The following PABIR3 variants were observed in gnomAD, a reference collection of about 807,000 sequenced individuals.
The protein encoded by PABIR3 is PABIR family member 1.
In PABIR3, 20 loss-of-function variants were observed where a neutral mutation model predicts 23.1. The observed-to-expected ratio is 0.86, with a 90% CI of 0.61 to 1.26. PABIR3 has a LOEUF of 1.26. PABIR3 is among the 50% of genes most tolerant of loss of function. The pLI is 0.00. For missense variants in PABIR3, 189 were observed against 195.4 expected (o/e 0.97, Z 0.20); for synonymous variants, 69 against 68.5 (o/e 1.01, Z -0.04).
At chrX:134,807,370 C>G in intron 1 of PABIR3, 29 bp downstream of exon 1, 1 of 968,565 alleles carries the variant, frequency 1.0e-6, no homozygotes, top group Non-Finnish European at 1.3e-6. Flanking sequence ...GTTAGAGGCC[C>G]CGATCATGGG....
At chrX:134,852,660 AATG>A in intron 9 of PABIR3, 137 bp from the exon 10 acceptor site, 1 of 363,364 alleles carries the variant, frequency 2.8e-6, no homozygotes, top group Non-Finnish European at 4.6e-6. Flanking sequence ...ATGTCTGGAT[AATG>A]ATTACTTAAA....
chrX:134,805,346 G>A (rs2080186338), upstream of PABIR3, among the ~76,000 whole-genome samples: 1 of 111,823 alleles, frequency 8.9e-6, no homozygotes, highest in Non-Finnish European at 1.9e-5. Flanking sequence ...CCCAACAAAC[G>A]GTAGCTATTA....
At chrX:134,808,864 T>G (rs968308131) in intron 2 of PABIR3, among the ~76,000 whole-genome samples, 11 of 111,843 alleles carry the variant, frequency 9.8e-5, no homozygotes, top group African/African-American at 3.6e-4. Flanking sequence ...CACAGAAGCT[T>G]GATCTCCTAA....
chrX:134,849,427 T>C (rs1028338655), intron 9 of PABIR3, among the ~76,000 whole-genome samples, 199 bp downstream of exon 9: 2 of 112,209 alleles, frequency 1.8e-5, no homozygotes, highest in Non-Finnish European at 3.8e-5. Context: ...GCTATATAAA[T>C]GTGAATTGAG....
Position 134,850,140 on chromosome X carries a change from G to A in PABIR3, c.589+912G>A, listed in dbSNP as rs1476023987. Among the ~76,000 whole-genome samples, 5 of 109,442 alleles carry A rather than the reference G, an allele frequency of 4.6e-5. No individual in the cohort carries two copies. The Admixed American group carries it at 5.0e-4, about 11-fold the overall frequency. ...TCCACCCACCTCGGCCTCCCAAAGT[G>A]CTGAGATTGCAAGCATAAGCCTGTA... On this transcript the variant is annotated intron_variant, in intron 9 of 10. Coordinates refer to ENST00000645433, the MANE Select transcript of PABIR3 (RefSeq NM_001388447.1).
rs2082684593 is a variant in PABIR3 at position 134,852,860 on chromosome X, C to A, written c.650C>A (p.Ser217Tyr). 4 of 1,136,256 alleles carry A rather than the reference C, an allele frequency of 3.5e-6. No homozygotes were observed. The highest frequency in any genetic ancestry group is 4.7e-4 in the Middle Eastern group (2 of 4,271). The allele number at this position is 1,136,256 out of a possible 1,213,427, so 93.6% of individuals were successfully genotyped here. The change falls in exon 10 of 11, where the codon TCT becomes TAT. Residue 217 changes from serine (S) to tyrosine (Y), a missense_variant. Transcript: ENST00000645433. Reference protein sequence around the residue: ...KIFQGTTNMLSSDTSQLSENN... With the variant: ...KIFQGTTNMLYSDTSQLSENN... The stretch of plus-strand genomic sequence containing the variant: ...TTCCAAGGCACAACCAACATGCTTT[C>A]TTCTGATACTTCCCAACTGTCAGAA...
At chrX:134,844,571 A>G (rs187256735) in intron 4 of PABIR3, among the ~76,000 whole-genome samples, 22 of 111,832 alleles carry the variant, frequency 2.0e-4, no homozygotes, top group Non-Finnish European at 4.1e-4. Context: ...GTACAAAGGA[A>G]GAAAGAACAC....
At chrX:134,804,611 T>C (rs2080151032), upstream of PABIR3, among the ~76,000 whole-genome samples, 1 of 112,494 alleles carries the variant, frequency 8.9e-6, no homozygotes, top group African/African-American at 3.2e-5. Context: ...ATTTAAAAAT[T>C]AGATACTTGT....
intron 2 of PABIR3, among the ~76,000 whole-genome samples, chrX:134,812,777 G>A (rs1029193379): frequency 1.8e-5 from 2 of 111,016 alleles, no homozygotes; most frequent in African/African-American, 6.6e-5. Flanking sequence ...CAATGGTTGG[G>A]ATAGTATTTT....
chrX:134,811,175 A>G lies in PABIR3; in HGVS notation c.110+3467A>G, dbSNP rs1036806388. On this transcript the variant is annotated intron_variant, in intron 2 of 10. Coordinates refer to ENST00000645433, the MANE Select transcript of PABIR3 (RefSeq NM_001388447.1). ...ATATCTTGAACTAATAAAAATTCCA[A>G]CGTCAAAAGTTTTGAACCTCTTGGT... The G allele has an allele frequency of 9.4e-6, 7 of 746,564 alleles. No individual in the cohort carries two copies. In the South Asian group the frequency reaches 4.1e-4, roughly 44 times the overall value. The allele number at this position is 746,564 out of a possible 1,213,427, so 61.5% of individuals were successfully genotyped here. A position where few individuals can be genotyped will look rare whatever the true frequency, so the allele number is the denominator to read the frequency against.
chrX:134,862,321 T>C, the PABIR3 span, among the ~76,000 whole-genome samples: 5 of 109,660 alleles, frequency 4.6e-5, no homozygotes, highest in East Asian at 1.4e-3. Context: ...GGCTAATTTT[T>C]GTATTTTTAG....
At chrX:134,827,715 C>T (rs1187980180) in intron 3 of PABIR3, among the ~76,000 whole-genome samples, 1 of 110,614 alleles carries the variant, frequency 9.0e-6, no homozygotes, top group African/African-American at 3.3e-5. Context: ...AAGTTTCAGC[C>T]ACCCTGAACC....
chrX:134,844,409 A>G (rs530195235), intron 4 of PABIR3, among the ~76,000 whole-genome samples: 3 of 110,595 alleles, frequency 2.7e-5, no homozygotes, highest in African/African-American at 9.9e-5. Flanking sequence ...GGCGCATTGC[A>G]TCTGTTGATC....
intron 3 of PABIR3, among the ~76,000 whole-genome samples, chrX:134,817,091 T>A (rs928596509): frequency 1.8e-5 from 2 of 111,424 alleles, no homozygotes; most frequent in African/African-American, 6.5e-5. Flanking sequence ...GGAGAATCGC[T>A]TCAACCCGGG....
intron 9 of PABIR3, among the ~76,000 whole-genome samples, chrX:134,850,569 G>T (rs2082597011): frequency 9.0e-6 from 1 of 111,666 alleles, no homozygotes. Context: ...AGAAGTCAAG[G>T]GTCAATTGAG....
In PABIR3 at chrX:134,797,465, C is replaced by T. The variant is rs1416892910; in HGVS notation, c.-98+601C>T. ...AAAACATGGGGTTTCCATGTTATTT[C>T]ACTCCTAATTTGTACGCTCCGACCT... On this transcript the variant is annotated intron_variant, in intron 1 of 4. Transcript: ENST00000414371. 2.7e-5 allele frequency among the ~76,000 whole-genome samples: 3 copies of T among 112,417 alleles called. No homozygotes were observed. In the Admixed American group the frequency reaches 2.8e-4, roughly 11 times the overall value.
upstream of PABIR3, among the ~76,000 whole-genome samples, chrX:134,803,616 T>C (rs1222987809): frequency 8.9e-6 from 1 of 112,252 alleles, no homozygotes; most frequent in African/African-American, 3.2e-5. Flanking sequence ...TTAAATTGCC[T>C]GTATTTTTCT....
chrX:134,816,260 T>G (rs1312260927), intron 3 of PABIR3, among the ~76,000 whole-genome samples: 1 of 112,768 alleles, frequency 8.9e-6, no homozygotes, highest in Admixed American at 9.4e-5. Context: ...CTCCTTTGTC[T>G]TCTACTTTTG....
intron 3 of PABIR3, chrX:134,821,495 G>T: frequency 8.7e-7 from 1 of 1,152,335 alleles, no homozygotes; most frequent in Non-Finnish European, 1.1e-6. Flanking sequence ...GCTCAAGCCG[G>T]ATGTCACTGC....
Sources: gnomAD v4.1 joint callset for allele counts (sites outside exome capture counted in the v4.1 genomes callset) on GRCh38, gnomAD v4.1.1 for gene constraint, MANE v1.5 for transcripts, NCBI Gene and HGNC (gene_info 2026-07-23, HGNC 2026-07-21) for gene names.